Variants in ARHGEF7 observed in about 807,000 individuals in gnomAD.
The protein encoded by ARHGEF7 is Rho guanine nucleotide exchange factor 7.
Under a neutral mutation model 109.8 loss-of-function variants are expected in ARHGEF7, and 33 were observed. The observed-to-expected ratio is 0.30, with a 90% CI of 0.23 to 0.40. The LOEUF (loss-of-function observed/expected upper bound fraction) is 0.40, where lower values mean the gene tolerates loss of function less well. ARHGEF7 is among the 10% of genes least tolerant of loss of function. The pLI, the probability that ARHGEF7 is intolerant of heterozygous loss-of-function variation, is 1.00. For synonymous variants in ARHGEF7, 458 were observed against 424.6 expected, an observed-to-expected ratio of 1.08 and a Z score of -0.97; for missense variants, 938 against 1,098.5, an observed-to-expected ratio of 0.85 and a Z score of 2.07.
intron 1 of ARHGEF7, among the ~76,000 whole-genome samples, chr13:111,124,771 T>C (rs959243401): frequency 1.4e-4 from 21 of 151,630 alleles, no homozygotes; most frequent in African/African-American, 5.1e-4. Context: ...TGTTTTGTTT[T>C]GTTTTTTAGA....
chr13:111,206,230 CA>C lies in ARHGEF7; in HGVS notation c.337+858del, dbSNP rs1175382904. 4.0e-5 allele frequency among the ~76,000 whole-genome samples: 6 copies of C among 151,172 alleles called. No individual in the cohort carries two copies. The East Asian group carries it at 5.9e-4, about 15-fold the overall frequency. ...CGCTTCTCAGCTTCGTCTGGCCCTTCAGAGGGGGGGGTGTACTTGCCTCACT... is the reference window on the plus strand; with the variant it reads ...CGCTTCTCAGCTTCGTCTGGCCCTTCGAGGGGGGGGTGTACTTGCCTCACT... On this transcript the variant is annotated intron_variant, in intron 3 of 21. Coordinates refer to ENST00000646102, the MANE Select transcript of ARHGEF7 (RefSeq NM_001354046.2).
rs949185305 is a variant in ARHGEF7, at chr13:111,303,989, A to G, written c.*876A>G. On this transcript the variant is annotated 3_prime_UTR_variant, in exon 22 of 22. Coordinates refer to ENST00000646102, the MANE Select transcript of ARHGEF7 (RefSeq NM_001354046.2). ...TTACTAGAACCTGTAAATAGAATGT[A>G]TTATTTATTATAAGTCACTGCAGCT... 2 of 152,220 alleles carry G rather than the reference A, an allele frequency of 1.3e-5. No homozygotes were observed. Among genetic ancestry groups the G allele is most frequent in the African/African-American group, 4.8e-5 (2 of 41,454 alleles). 9.4% of individuals were successfully genotyped at this position (152,220 alleles called of 1,614,324 possible).
chr13:111,149,641 T>G (rs1227769773), intron 1 of ARHGEF7, among the ~76,000 whole-genome samples: 10 of 152,256 alleles, frequency 6.6e-5, no homozygotes, highest in African/African-American at 2.4e-4. Context: ...ATAAATTTCT[T>G]ACAAGTACTC....
chr13:111,254,177 AG>A (rs2153563810), intron 8 of ARHGEF7, among the ~76,000 whole-genome samples: 1 of 152,398 alleles, frequency 6.6e-6, no homozygotes, highest in Non-Finnish European at 1.5e-5. Flanking sequence ...GTAAGATGAT[AG>A]TGAAAACAGT....
At chr13:111,281,532 ATTT>A (rs1388581801) in intron 15 of ARHGEF7, among the ~76,000 whole-genome samples, 6 of 152,140 alleles carry the variant, frequency 3.9e-5, no homozygotes, top group African/African-American at 1.4e-4. Flanking sequence ...AGTCCATCTG[ATTT>A]CTTTCAGCAG....
chr13:111,176,778 A>G (rs1470635958), intron 2 of ARHGEF7, among the ~76,000 whole-genome samples: 3 of 151,962 alleles, frequency 2.0e-5, no homozygotes, highest in South Asian at 2.1e-4. Flanking sequence ...ATTTTTTTAG[A>G]TGGAGTTCAC....
intron 6 of ARHGEF7, among the ~76,000 whole-genome samples, chr13:111,240,285 C>T (rs1307506703): frequency 6.6e-6 from 1 of 152,168 alleles, no homozygotes. Context: ...TACCCCAAGA[C>T]CTGTGAATCT....
intron 5 of ARHGEF7, among the ~76,000 whole-genome samples, chr13:111,227,712 C>A (rs2085401645): frequency 2.6e-5 from 4 of 152,162 alleles, no homozygotes; most frequent in Admixed American, 2.6e-4. Flanking sequence ...CTACTTTCTT[C>A]TAGGTTTGTT....
chr13:111,204,615 A>C (rs1271780344), intron 2 of ARHGEF7, among the ~76,000 whole-genome samples: 3 of 151,850 alleles, frequency 2.0e-5, no homozygotes, highest in African/African-American at 4.8e-5. Context: ...TGGTGGTGGG[A>C]AGTGCCTGCC....
chr13:111,218,344 G>A (rs546236221), intron 5 of ARHGEF7, among the ~76,000 whole-genome samples: 48 of 152,138 alleles, frequency 3.2e-4, no homozygotes, highest in African/African-American at 9.6e-4. Flanking sequence ...CTTATGTTTT[G>A]TAGTTGTTCA....
At chr13:111,279,279 G>T (rs2092656620) in intron 13 of ARHGEF7, among the ~76,000 whole-genome samples, 1 of 152,100 alleles carries the variant, frequency 6.6e-6, no homozygotes, top group African/African-American at 2.4e-5. Context: ...AGATTTCTCA[G>T]CCTGGGCACT....
At chr13:111,118,391 T>C (rs1395756254) in intron 1 of ARHGEF7, among the ~76,000 whole-genome samples, 1 of 152,242 alleles carries the variant, frequency 6.6e-6, no homozygotes. Context: ...GATGGAATTA[T>C]AAACTTTACA....
intron 1 of ARHGEF7, among the ~76,000 whole-genome samples, chr13:111,125,479 G>A (rs563392826): frequency 8.6e-5 from 13 of 151,122 alleles, no homozygotes; most frequent in Admixed American, 4.6e-4. Context: ...TAAAAGAAAC[G>A]TAAGCCTCGT....
At position 111,115,479 on chromosome 13, in the gene ARHGEF7, C is replaced by G. The variant is rs755490371; in HGVS notation, c.-48C>G. The G allele has an allele frequency of 6.9e-5, 78 of 1,123,210 alleles. No individual in the cohort carries two copies. In the African/African-American group the frequency reaches 9.9e-4, roughly 14 times the overall value. The allele number at this position is 1,123,210 out of a possible 1,614,324, so 69.6% of individuals were successfully genotyped here. A position where few individuals can be genotyped will look rare whatever the true frequency, so the allele number is the denominator to read the frequency against. On this transcript the variant is annotated 5_prime_UTR_variant, in exon 1 of 22. Coordinates refer to ENST00000646102, the MANE Select transcript of ARHGEF7 (RefSeq NM_001354046.2). ...GGGGCCGCGGGCCGGGCCGCCGCTC[C>G]GAGGTGAAGGCGCGCGCCCCTCCCC... is the stretch of plus-strand genomic sequence containing the variant.
chr13:111,251,837 G>A (rs1473018955), intron 8 of ARHGEF7, among the ~76,000 whole-genome samples: 2 of 152,136 alleles, frequency 1.3e-5, no homozygotes, highest in African/African-American at 2.4e-5. Flanking sequence ...CAGGAAGTGT[G>A]GGTCACCACC....
intron 2 of ARHGEF7, among the ~76,000 whole-genome samples, chr13:111,200,449 A>G (rs991461705): frequency 1.3e-4 from 17 of 129,044 alleles, no homozygotes; most frequent in Non-Finnish European, 2.0e-4. Flanking sequence ...GCTCGAAATC[A>G]TGTCTTTTTT....
At chr13:111,241,881 C>T (rs149177207) in intron 6 of ARHGEF7, among the ~76,000 whole-genome samples, 165 of 152,278 alleles carry the variant, frequency 1.1e-3, no homozygotes, top group Non-Finnish European at 1.1e-3. Flanking sequence ...TTTTCTGATA[C>T]GTCTGTGACA....
Position 111,275,958 on chromosome 13 carries a change from C to G in ARHGEF7, c.1419+280C>G, listed in dbSNP as rs368031779. 46 of 414,040 alleles carry G rather than the reference C, an allele frequency of 1.1e-4. No homozygotes were observed. In the Middle Eastern group the frequency reaches 2.2e-3, roughly 20 times the overall value. The allele number at this position is 414,040 out of a possible 1,614,324, so 25.6% of individuals were successfully genotyped here. A position where few individuals can be genotyped will look rare whatever the true frequency, so the allele number is the denominator to read the frequency against. ...GATAGATAGTGTGCAGAAAGACTTG[C>G]AGGAGTCCTGTGCACACATCCGCAT... is the stretch of plus-strand genomic sequence containing the variant. On this transcript the variant is annotated intron_variant, in intron 12 of 21. Transcript: ENST00000646102.
chr13:111,205,675 G>A (rs2081741681), intron 3 of ARHGEF7, among the ~76,000 whole-genome samples: 1 of 152,094 alleles, frequency 6.6e-6, no homozygotes, highest in Non-Finnish European at 1.5e-5. Context: ...GGGCTGTGTT[G>A]GAGCTAGAAG....
Sources: allele counts gnomAD v4.1 joint callset (sites outside exome capture counted in the v4.1 genomes callset), GRCh38; gene constraint gnomAD v4.1.1; transcripts MANE v1.5; gene names NCBI Gene and HGNC (gene_info 2026-07-23, HGNC 2026-07-21).